Variants in ANK3 observed in about 807,000 individuals in gnomAD.
ANK3 encodes the protein ankyrin 3.
A neutral mutation model predicts 370.9 loss-of-function variants in ANK3; 57 were observed. The observed-to-expected ratio is 0.15, with a 90% CI of 0.12 to 0.19. The LOEUF (loss-of-function observed/expected upper bound fraction) is 0.19. Among genes scored for constraint, ANK3 ranks in the 10% least tolerant of loss-of-function variants. The pLI is 1.00. For synonymous variants in ANK3, 1,929 were observed against 1,946.3 expected, an observed-to-expected ratio of 0.99 and a Z score of 0.23; for missense variants, 4,439 against 5,302.1, an observed-to-expected ratio of 0.84 and a Z score of 5.06.
intron 28 of ANK3, among the ~76,000 whole-genome samples, chr10:60,099,786 CA>C (rs2090849866): frequency 6.6e-6 from 1 of 152,128 alleles, no homozygotes; most frequent in Non-Finnish European, 1.5e-5. Context: ...GCATGAGCAG[CA>C]AATACAGAAC....
At chr10:60,242,153 C>T (rs1367955202) in intron 7 of ANK3, among the ~76,000 whole-genome samples, 2 of 152,162 alleles carry the variant, frequency 1.3e-5, no homozygotes, top group African/African-American at 4.8e-5. Context: ...CTCTAACCTA[C>T]TCCTGGAAGG....
At chr10:60,223,798 C>T (rs1395892254) in intron 8 of ANK3, among the ~76,000 whole-genome samples, 3 of 152,086 alleles carry the variant, frequency 2.0e-5, no homozygotes, top group Non-Finnish European at 2.9e-5. Context: ...GACTAAGTCT[C>T]TTAGCTTTCA....
chr10:60,265,251 T>A (rs2097860255), intron 5 of ANK3, among the ~76,000 whole-genome samples: 1 of 152,298 alleles, frequency 6.6e-6, no homozygotes, highest in East Asian at 1.9e-4. Context: ...TTACCTCCTG[T>A]CTCCCCATTA....
intron 8 of ANK3, among the ~76,000 whole-genome samples, chr10:60,215,410 G>A (rs141849930): frequency 6.1e-4 from 93 of 152,184 alleles, no homozygotes; most frequent in African/African-American, 2.0e-3. Flanking sequence ...TGCTTTTGGC[G>A]TTTTTGTCAT....
chr10:60,185,991 T>C (rs1646583196), intron 17 of ANK3, among the ~76,000 whole-genome samples: 1 of 152,188 alleles, frequency 6.6e-6, no homozygotes, highest in African/African-American at 2.4e-5. Context: ...CAACAACTTC[T>C]CCTATCTACT....
At chr10:60,317,300 T>G (rs2047654549) in intron 1 of ANK3, among the ~76,000 whole-genome samples, 1 of 151,886 alleles carries the variant, frequency 6.6e-6, no homozygotes, top group South Asian at 2.1e-4. Context: ...AATTTTTAAG[T>G]TTTTAGTAGA....
chr10:60,194,035 C>T (rs1001473147), intron 16 of ANK3, among the ~76,000 whole-genome samples: 3 of 151,230 alleles, frequency 2.0e-5, no homozygotes, highest in Middle Eastern at 3.4e-3. Context: ...GCAGGAGAAT[C>T]GCTTGAACCC....
intron 18 of ANK3, among the ~76,000 whole-genome samples, chr10:60,174,989 G>A (rs1339008439): frequency 6.6e-6 from 1 of 152,130 alleles, no homozygotes; most frequent in African/African-American, 2.4e-5. Context: ...CAAAGTGCTG[G>A]GATTACAAGT....
At chr10:60,464,512 A>G (rs80310412) in intron 2 of ANK3, among the ~76,000 whole-genome samples, 12 of 60,728 alleles carry the variant, frequency 2.0e-4, no homozygotes, top group African/African-American at 5.4e-4. Flanking sequence ...CTCTCTAACT[A>G]AAACATCTTA....
intron 26 of ANK3, among the ~76,000 whole-genome samples, chr10:60,111,367 C>A (rs977229541): frequency 1.3e-5 from 2 of 152,134 alleles, no homozygotes; most frequent in Non-Finnish European, 2.9e-5. Flanking sequence ...ATAGAGTCAA[C>A]AGACTGAGGA....
intron 2 of ANK3, among the ~76,000 whole-genome samples, chr10:60,491,733 G>T (rs2075511646): frequency 6.6e-6 from 1 of 152,196 alleles, no homozygotes; most frequent in African/African-American, 2.4e-5. Flanking sequence ...GTACGGTGTA[G>T]TGCTTAAGAG....
At chr10:60,479,161 T>C (rs1342377892) in intron 2 of ANK3, among the ~76,000 whole-genome samples, 1 of 152,154 alleles carries the variant, frequency 6.6e-6, no homozygotes, top group Non-Finnish European at 1.5e-5. Context: ...AGCAACTGAA[T>C]GATTTTTTTC....
intron 2 of ANK3, among the ~76,000 whole-genome samples, chr10:60,435,911 C>A (rs573222481): frequency 6.6e-6 from 1 of 152,028 alleles, no homozygotes; most frequent in Non-Finnish European, 1.5e-5. Context: ...CGCGGTGAAA[C>A]CCCGTCTCTA....
intron 1 of ANK3, among the ~76,000 whole-genome samples, chr10:60,380,289 G>A (rs551175290): frequency 6.6e-6 from 1 of 152,154 alleles, no homozygotes; most frequent in South Asian, 2.1e-4. Context: ...GATTTCCTAG[G>A]GGGAGGAACC....
In ANK3 at chr10:60,633,032, A is replaced by G. The variant is rs534609033; in HGVS notation, c.58-17808T>C. Among the ~76,000 whole-genome samples the G allele has an allele frequency of 6.6e-5, 10 of 152,320 alleles. No homozygotes were observed. The South Asian group carries it at 1.0e-3, about 16-fold the overall frequency. On this transcript the variant is annotated intron_variant, in intron 1 of 43. Transcript: ENST00000373827. ...TAGGTATTTCCAGATAGACTAGTGT[A>G]TATAGAGATTCTATACTTAGCTCCA...
intron 1 of ANK3, among the ~76,000 whole-genome samples, chr10:60,709,287 CTAT>C (rs1467615677): frequency 8.9e-4 from 36 of 40,620 alleles, no homozygotes; most frequent in African/African-American, 3.1e-3. Context: ...ATATCTATAT[CTAT>C]ATCTATATCT....
intron 24 of ANK3, chr10:60,138,516 A>C (rs1565252991): frequency 2.5e-6 from 1 of 402,108 alleles, no homozygotes; most frequent in Non-Finnish European, 4.4e-6. Flanking sequence ...AAACAACATA[A>C]TTTTTTTTCA....
intron 2 of ANK3, among the ~76,000 whole-genome samples, chr10:60,575,431 T>C (rs2077671492): frequency 6.6e-6 from 1 of 152,192 alleles, no homozygotes; most frequent in Non-Finnish European, 1.5e-5. Flanking sequence ...GATGAGGAAC[T>C]TGTGACTTTG....
At chr10:60,538,355 A>T (rs535925901) in intron 2 of ANK3, among the ~76,000 whole-genome samples, 1 of 151,980 alleles carries the variant, frequency 6.6e-6, no homozygotes, top group African/African-American at 2.4e-5. Flanking sequence ...TTAAAAGCCA[A>T]ATCCTCCCAG....
Sources: gnomAD v4.1 joint callset for allele counts (sites outside exome capture counted in the v4.1 genomes callset) on GRCh38, gnomAD v4.1.1 for gene constraint, MANE v1.5 for transcripts, NCBI Gene and HGNC (gene_info 2026-07-23, HGNC 2026-07-21) for gene names.